The following GOLGA4 variants were observed in gnomAD, a reference collection of about 807,000 sequenced individuals.
The protein encoded by GOLGA4 is golgin A4.
In GOLGA4, 169 loss-of-function variants were observed where a neutral mutation model predicts 265.9. The ratio of observed to expected loss-of-function variants is 0.64; its 90% CI spans 0.56 to 0.72. The LOEUF is 0.72. GOLGA4 is among the 30% of genes least tolerant of loss of function. GOLGA4 has a pLI of 0.00. For synonymous variants in GOLGA4, 923 were observed against 855.8 expected (o/e 1.08, Z -1.37); for missense variants, 2,482 against 2,483.4 (o/e 1.00, Z 0.01).
chr3:37,286,023 G>C lies in GOLGA4; in HGVS notation c.487G>C (p.Ala163Pro), dbSNP rs2096847634. Residue 163 changes from alanine (A) to proline (P), a missense_variant, in exon 4 of 24, where the codon GCT (alanine) becomes CCT (proline). Around this residue, in one of 3 missense-constraint regions of GOLGA4, gnomAD observed 1,536 missense variants for 1,483.7 expected, o/e 1.04. Coordinates refer to ENST00000361924, the MANE Select transcript of GOLGA4 (RefSeq NM_002078.5). ...YRGKYSELVT[A>P]YQMLQREKKK... is the part of the protein sequence containing the mutation. ...GATGACTATATTTTAGCTTGTTACA[G>C]CTTATCAGATGCTTCAGAGAGAGAA... is the stretch of plus-strand genomic sequence containing the variant. 1 of 1,566,498 alleles carries C rather than the reference G, an allele frequency of 6.4e-7. No individual in the cohort carries two copies. The highest frequency in any genetic ancestry group is 1.4e-5 in the African/African-American group (1 of 73,570).
At position 37,266,713 on chromosome 3, in the gene GOLGA4, G is replaced by A; in HGVS notation, c.162+15229G>A. ...GATGGTGGTGGTGGTGGTGGTGATG[G>A]TGGTACTGAAGGCCATTATAGTGTT... On this transcript the variant is annotated intron_variant, in intron 2 of 23. Transcript: ENST00000361924. The A allele has an allele frequency of 9.1e-6, 3 of 331,194 alleles. 1 individual carries two copies. Among genetic ancestry groups the A allele is most frequent in the South Asian group, 7.0e-5 (3 of 42,860 alleles). The allele number at this position is 331,194 out of a possible 1,614,324, so 20.5% of individuals were successfully genotyped here. A position where few individuals can be genotyped will look rare whatever the true frequency, so the allele number is the denominator to read the frequency against.
At chr3:37,283,201 A>C (rs1486889335) in intron 3 of GOLGA4, among the ~76,000 whole-genome samples, 1 of 152,226 alleles carries the variant, frequency 6.6e-6, no homozygotes, top group Non-Finnish European at 1.5e-5. Context: ...AATATACAAG[A>C]TAAGATATCT....
intron 20 of GOLGA4, among the ~76,000 whole-genome samples, chr3:37,343,507 C>T (rs575854701): frequency 9.2e-5 from 14 of 151,884 alleles, no homozygotes; most frequent in South Asian, 8.3e-4. Context: ...TTAGCTGCTG[C>T]GCGCGGCCTG....
intron 2 of GOLGA4, chr3:37,276,461 C>T (rs1057121030): frequency 1.4e-5 from 23 of 1,610,792 alleles, no homozygotes; most frequent in African/African-American, 4.0e-5. Flanking sequence ...TGGTGGGACC[C>T]AGACTGACTT....
At chr3:37,276,507 C>A in intron 2 of GOLGA4, 8 of 1,609,186 alleles carry the variant, frequency 5.0e-6, no homozygotes, top group Non-Finnish European at 6.8e-6. Context: ...AAGAATTGCA[C>A]TTACACACAG....
rs2096975990 is a variant in GOLGA4, at chr3:37,327,571, A to G, written c.5685A>G (p.Lys1895=). The change falls in exon 14 of 24, where the codon AAA becomes AAG. Residue 1895 remains lysine (K), a synonymous_variant. Coordinates refer to ENST00000361924, the MANE Select transcript of GOLGA4 (RefSeq NM_002078.5). ...QALQQMDGRN[K]PTELLEENTE... ...TACAACAGATGGATGGAAGAAATAAACCCACAGAACTTTTGGAAGAAAACA... is the reference window on the plus strand; with the variant it reads ...TACAACAGATGGATGGAAGAAATAAGCCCACAGAACTTTTGGAAGAAAACA... 8.7e-6 allele frequency: 14 copies of G among 1,613,810 alleles called. No homozygotes were observed. Among genetic ancestry groups the G allele is most frequent in the Non-Finnish European group, 1.2e-5 (14 of 1,179,840 alleles).
At chr3:37,257,105 A>G (rs2096750953) in intron 2 of GOLGA4, among the ~76,000 whole-genome samples, 2 of 152,128 alleles carry the variant, frequency 1.3e-5, no homozygotes, top group South Asian at 2.1e-4. Context: ...CCTAGCAACC[A>G]TTAATTTGCT....
At chr3:37,314,906 A>G (rs140500884) in intron 10 of GOLGA4, among the ~76,000 whole-genome samples, 3 of 152,348 alleles carry the variant, frequency 2.0e-5, no homozygotes, top group African/African-American at 7.2e-5. Flanking sequence ...AAAAAGAAAC[A>G]AAAATCTCTG....
chr3:37,280,576 AGT>A (rs1265937039), intron 2 of GOLGA4, among the ~76,000 whole-genome samples: 3 of 152,224 alleles, frequency 2.0e-5, no homozygotes, highest in Non-Finnish European at 4.4e-5. Context: ...TTGAATAAGG[AGT>A]ACTTAGTCAA....
intron 10 of GOLGA4, among the ~76,000 whole-genome samples, chr3:37,314,072 G>A (rs1205554137): frequency 1.3e-5 from 2 of 151,432 alleles, no homozygotes; most frequent in Non-Finnish European, 2.9e-5. Context: ...AGACTCAAGT[G>A]ATTCTACTGC....
In GOLGA4 at chr3:37,327,258, A is replaced by C. The variant is rs759461026; in HGVS notation, c.5372A>C (p.Gln1791Pro). Residue 1791 changes from glutamine to proline, a missense_variant, in exon 14 of 24, where the codon CAA becomes CCA. Physicochemically the swap from Gln to Pro is moderately conservative, Grantham distance 76. Coordinates refer to ENST00000361924, the MANE Select transcript of GOLGA4 (RefSeq NM_002078.5). ...GCTGAGGCAAAGCAACATGAAGATC[A>C]AAGTATGATAGGTCATCTTCAAGAG... ...EHAEAKQHED[Q>P]SMIGHLQEEL... The C allele has an allele frequency of 1.8e-5, 29 of 1,613,892 alleles. 2 individuals carry two copies. The South Asian group carries it at 3.1e-4, about 17-fold the overall frequency.
At chr3:37,244,750 GA>G (rs1232044766) in intron 1 of GOLGA4, among the ~76,000 whole-genome samples, 1 of 152,196 alleles carries the variant, frequency 6.6e-6, no homozygotes, top group Non-Finnish European at 1.5e-5. Flanking sequence ...CAGTGCTTGA[GA>G]AAAACATCAG....
intron 2 of GOLGA4, among the ~76,000 whole-genome samples, chr3:37,271,748 C>G (rs1007535543): frequency 6.6e-6 from 1 of 152,040 alleles, no homozygotes; most frequent in Non-Finnish European, 1.5e-5. Flanking sequence ...ACAGTGCTTC[C>G]CAACCTCCAG....
In GOLGA4 at chr3:37,331,853, T is replaced by G. The variant is rs529950731; in HGVS notation, c.6192+2760T>G. 3.9e-5 allele frequency among the ~76,000 whole-genome samples: 6 copies of G among 152,266 alleles called. No homozygotes were observed. The South Asian group carries it at 1.2e-3, about 32-fold the overall frequency. On this transcript the variant is annotated intron_variant, in intron 16 of 23. Coordinates refer to ENST00000361924, the MANE Select transcript of GOLGA4 (RefSeq NM_002078.5). Reference sequence around the variant, plus strand: ...ATACACATATATATTAATGTACCTATTTTGTCATTAAATCTGCTTCTCTCC... The same window carrying G: ...ATACACATATATATTAATGTACCTAGTTTGTCATTAAATCTGCTTCTCTCC...
intron 10 of GOLGA4, among the ~76,000 whole-genome samples, chr3:37,312,625 T>G (rs1248160836): frequency 2.0e-5 from 3 of 151,482 alleles, no homozygotes; most frequent in African/African-American, 7.3e-5. Context: ...CAGACTTAAG[T>G]GATCCTCCCA....
At chr3:37,353,196 G>GATATTATA (rs2097080076) in intron 21 of GOLGA4, among the ~76,000 whole-genome samples, 1 of 151,946 alleles carries the variant, frequency 6.6e-6, no homozygotes, top group South Asian at 2.1e-4. Flanking sequence ...TACAGTAACA[G>GATATTATA]ATATTATAAT....
Position 37,245,768 on chromosome 3 carries a change from T to G in GOLGA4, c.72+2146T>G, listed in dbSNP as rs932906416. Among the ~76,000 whole-genome samples the G allele has an allele frequency of 3.3e-5, 5 of 152,174 alleles. No individual in the cohort carries two copies. In the East Asian group the frequency reaches 9.7e-4, roughly 30 times the overall value. ...TGGATTATATGTATATTCACTATGT[T>G]GGCCAGGCTGGTCTCCAACTCCGGA... On this transcript the variant is annotated intron_variant, in intron 1 of 23. Coordinates refer to ENST00000361924, the MANE Select transcript of GOLGA4 (RefSeq NM_002078.5).
intron 2 of GOLGA4, among the ~76,000 whole-genome samples, chr3:37,264,691 T>C (rs2096778881): frequency 6.6e-6 from 1 of 152,130 alleles, no homozygotes; most frequent in Non-Finnish European, 1.5e-5. Flanking sequence ...AGATAATATA[T>C]TAACTGCTAA....
chr3:37,245,989 G>A lies in GOLGA4; in HGVS notation c.72+2367G>A, dbSNP rs573566174. On this transcript the variant is annotated intron_variant, in intron 1 of 23. Transcript: ENST00000361924. ...ATGTGGCCTGGTATGGTGGCCTTAC[G>A]CCTGTAATCCCAGCACTTTGAATCG... 1.3e-4 allele frequency among the ~76,000 whole-genome samples: 20 copies of A among 152,144 alleles called. No homozygotes were observed. The South Asian group carries it at 2.9e-3, about 22-fold the overall frequency.
Sources: allele counts gnomAD v4.1 joint callset (sites outside exome capture counted in the v4.1 genomes callset), GRCh38; gene constraint gnomAD v4.1.1; regional missense constraint gnomAD v4.1.1; transcripts MANE v1.5; gene names NCBI Gene and HGNC (gene_info 2026-07-23, HGNC 2026-07-21).